The following UVRAG variants were observed in gnomAD, a reference collection of about 807,000 sequenced individuals.
UVRAG encodes the protein UV radiation resistance associated.
A neutral mutation model predicts 78.0 loss-of-function variants in UVRAG; 19 were observed. That is an observed-to-expected ratio of 0.24 (90% CI 0.17 to 0.36). UVRAG has a LOEUF of 0.36. Ranked by LOEUF, UVRAG falls within the 10% of genes least tolerant of loss-of-function variation. The pLI, the probability that UVRAG is intolerant of heterozygous loss-of-function variation, is 1.00. For missense variants in UVRAG, 740 were observed against 853.8 expected (o/e 0.87, Z 1.66); for synonymous variants, 323 against 324.6 (o/e 1.00, Z 0.05).
chr11:75,872,219 G>A (rs59656978), intron 3 of UVRAG, among the ~76,000 whole-genome samples: 20,676 of 151,976 alleles, frequency 0.14, 3,129 homozygotes, highest in African/African-American at 0.38. Flanking sequence ...TTCTTAAATA[G>A]GGGAAGATTA....
At chr11:76,046,956 A>G (rs1416266661) in intron 12 of UVRAG, among the ~76,000 whole-genome samples, 2 of 151,996 alleles carry the variant, frequency 1.3e-5, no homozygotes, top group Admixed American at 6.5e-5. Flanking sequence ...AACCATGTAT[A>G]TGTTTTATTT....
At chr11:76,038,445 AT>A (rs1249458351) in intron 12 of UVRAG, among the ~76,000 whole-genome samples, 1 of 152,242 alleles carries the variant, frequency 6.6e-6, no homozygotes, top group East Asian at 1.9e-4. Flanking sequence ...ATTAGGTATT[AT>A]AAGTAATTTA....
rs554204008 is a variant in UVRAG, at chr11:75,891,725, C to T, written c.507+2822C>T. Reference sequence around the variant, plus strand: ...AGCAGTTCGAGACCAGTCTGGGCAACGTAGCAAGACCTTGTCTGTACTAAA... The same window carrying T: ...AGCAGTTCGAGACCAGTCTGGGCAATGTAGCAAGACCTTGTCTGTACTAAA... On this transcript the variant is annotated intron_variant, in intron 5 of 14. Coordinates refer to ENST00000356136, the MANE Select transcript of UVRAG (RefSeq NM_003369.4). Among the ~76,000 whole-genome samples the T allele has an allele frequency of 2.0e-4, 30 of 152,182 alleles. No homozygotes were observed. The South Asian group carries it at 6.2e-3, about 32-fold the overall frequency.
chr11:76,030,290 C>T (rs912187248), intron 12 of UVRAG, among the ~76,000 whole-genome samples: 2 of 152,108 alleles, frequency 1.3e-5, no homozygotes, highest in African/African-American at 4.8e-5. Flanking sequence ...CTCTCACCCT[C>T]CCAAAATGCT....
chr11:76,021,699 T>C (rs1950249027), intron 12 of UVRAG, among the ~76,000 whole-genome samples: 3 of 152,238 alleles, frequency 2.0e-5, no homozygotes, highest in Admixed American at 2.0e-4. Context: ...TTTTTTTAAA[T>C]TAAAGTCAAA....
intron 1 of UVRAG, chr11:75,837,470 C>A (rs1945810699): frequency 6.6e-6 from 1 of 151,790 alleles, no homozygotes; most frequent in African/African-American, 2.4e-5. Flanking sequence ...AAGGTAAATG[C>A]TATGTAAATA....
chr11:76,075,728 A>T (rs1216391064), intron 13 of UVRAG, among the ~76,000 whole-genome samples: 3 of 152,048 alleles, frequency 2.0e-5, no homozygotes, highest in Non-Finnish European at 4.4e-5. Flanking sequence ...CCCTGTACCC[A>T]CTAGTAGTCA....
intron 7 of UVRAG, among the ~76,000 whole-genome samples, chr11:75,975,589 G>A (rs1329416291): frequency 1.3e-5 from 2 of 152,152 alleles, no homozygotes; most frequent in Admixed American, 1.3e-4. Flanking sequence ...CACATCCCTT[G>A]TAAGTTGGAT....
chr11:76,077,451 A>G (rs533575378), intron 13 of UVRAG, among the ~76,000 whole-genome samples: 5 of 152,242 alleles, frequency 3.3e-5, no homozygotes, highest in African/African-American at 9.6e-5. Flanking sequence ...AAAACTTTTT[A>G]TCTCAGTTGG....
At chr11:75,958,538 C>T (rs1948846948) in intron 6 of UVRAG, among the ~76,000 whole-genome samples, 1 of 152,184 alleles carries the variant, frequency 6.6e-6, no homozygotes, top group South Asian at 2.1e-4. Context: ...CTTCAGGCTC[C>T]TCTTATAATT....
intron 13 of UVRAG, among the ~76,000 whole-genome samples, chr11:76,094,940 C>T (rs544288309): frequency 1.4e-4 from 22 of 152,230 alleles, no homozygotes; most frequent in African/African-American, 5.3e-4. Flanking sequence ...AAGGATGTTC[C>T]AGTCATCCCG....
At chr11:76,134,065 G>C (rs1952560085) in intron 14 of UVRAG, among the ~76,000 whole-genome samples, 1 of 149,940 alleles carries the variant, frequency 6.7e-6, no homozygotes, top group Non-Finnish European at 1.5e-5. Flanking sequence ...AGATTCTCCT[G>C]CTCTCCTGCC....
At chr11:75,829,915 C>T (rs2135819423) in intron 1 of UVRAG, among the ~76,000 whole-genome samples, 1 of 152,378 alleles carries the variant, frequency 6.6e-6, no homozygotes, top group East Asian at 1.9e-4. Flanking sequence ...TCTCGGCTCA[C>T]TGCAGCCTCC....
intron 7 of UVRAG, among the ~76,000 whole-genome samples, chr11:75,982,642 T>C (rs1238196348): frequency 6.6e-6 from 1 of 152,198 alleles, no homozygotes; most frequent in East Asian, 1.9e-4. Context: ...CTTGGCCTTC[T>C]TTGAAACGGG....
intron 12 of UVRAG, among the ~76,000 whole-genome samples, chr11:76,053,707 C>T (rs1002810230): frequency 5.3e-5 from 8 of 152,270 alleles, no homozygotes; most frequent in Non-Finnish European, 7.4e-5. Flanking sequence ...CACGGTGGCT[C>T]ACACCTGTAA....
At chr11:75,970,945 A>G (rs1403077640) in intron 7 of UVRAG, among the ~76,000 whole-genome samples, 1 of 152,138 alleles carries the variant, frequency 6.6e-6, no homozygotes, top group Non-Finnish European at 1.5e-5. Flanking sequence ...TGACAAATGT[A>G]TTATGTATCC....
chr11:76,027,070 G>A (rs767799230), intron 12 of UVRAG, among the ~76,000 whole-genome samples: 6 of 152,066 alleles, frequency 3.9e-5, no homozygotes, highest in Non-Finnish European at 8.8e-5. Context: ...TTCACAAATG[G>A]AGAAACAGGT....
At chr11:75,875,337 C>A (rs549711658) in intron 3 of UVRAG, among the ~76,000 whole-genome samples, 6 of 152,152 alleles carry the variant, frequency 3.9e-5, no homozygotes, top group African/African-American at 1.4e-4. Flanking sequence ...AAAATGTATT[C>A]ATTTTACTCT....
intron 2 of UVRAG, among the ~76,000 whole-genome samples, chr11:75,854,384 T>TAA (rs1419565624): frequency 1.3e-5 from 2 of 152,172 alleles, no homozygotes; most frequent in African/African-American, 4.8e-5. Context: ...CTATTGGCCA[T>TAA]AAATCAGTTA....
Sources: allele counts gnomAD v4.1 joint callset (sites outside exome capture counted in the v4.1 genomes callset), GRCh38; gene constraint gnomAD v4.1.1; transcripts MANE v1.5; gene names NCBI Gene and HGNC (gene_info 2026-07-23, HGNC 2026-07-21).